The following SLC7A6OS variants were observed in gnomAD, a reference collection of about 807,000 sequenced individuals.
SLC7A6OS encodes the protein solute carrier family 7 member 6 opposite strand, also known as probable RNA polymerase II nuclear localization protein SLC7A6OS.
SLC7A6OS carries 22 observed loss-of-function variants against 34.3 expected under a neutral mutation model. That is an observed-to-expected ratio of 0.64 (90% confidence interval 0.46 to 0.92). The LOEUF (loss-of-function observed/expected upper bound fraction) is 0.92. SLC7A6OS is among the 40% of genes least tolerant of loss of function. The pLI is 0.00. For missense variants in SLC7A6OS, 434 were observed against 407.7 expected (o/e 1.06, Z -0.56); for synonymous variants, 199 against 165.0 (o/e 1.21, Z -1.58).
rs2043210071 is a variant in SLC7A6OS at position 68,298,263 on chromosome 16, A to G, written c.*3012T>C. 1 of 152,596 alleles carries G rather than the reference A, an allele frequency of 6.6e-6. No homozygotes were observed. Among genetic ancestry groups the G allele is most frequent in the East Asian group, 1.9e-4 (1 of 5,194 alleles). The allele number at this position is 152,596 out of a possible 1,614,324, so 9.5% of individuals were successfully genotyped here. A position where few individuals can be genotyped will look rare whatever the true frequency, so the allele number is the denominator to read the frequency against. ...TCTCTGGGTTTCTGTTACGAACTCT[A>G]AGAGGGCTGAAACTTCTGATATTCA... On this transcript the variant is annotated 3_prime_UTR_variant, in exon 5 of 5. Coordinates refer to ENST00000263997, the MANE Select transcript of SLC7A6OS (RefSeq NM_032178.3).
chr16:68,310,358 C>T lies in SLC7A6OS; in HGVS notation c.448G>A (p.Ala150Thr), dbSNP rs2043450416. The change falls in exon 2 of 5, where the codon GCC (alanine) becomes ACC (threonine). Residue 150 changes from alanine (A) to threonine (T), a missense_variant. By Grantham distance (58) the Ala-to-Thr change is moderately conservative (BLOSUM62 0). Transcript: ENST00000263997. ...DLVHEEGEPE[A>T]ASAGSCKTSD... ...ACTTTGCAGGAGCCTGCAGAGGCGG[C>T]TTCAGGTTCTCCCTCCTCGTGGACA... The T allele has an allele frequency of 1.2e-6, 2 of 1,607,694 alleles. No individual in the cohort carries two copies. The highest frequency in any genetic ancestry group is 1.3e-5 in the African/African-American group (1 of 74,942).
chr16:68,307,128 A>G (rs1721743367), intron 2 of SLC7A6OS, among the ~76,000 whole-genome samples: 1 of 152,184 alleles, frequency 6.6e-6, no homozygotes, highest in South Asian at 2.1e-4. Context: ...AACCTCTTGG[A>G]TATAATTTTT....
At chr16:68,303,103 A>G (rs2043297943) in intron 3 of SLC7A6OS, among the ~76,000 whole-genome samples, 1 of 151,944 alleles carries the variant, frequency 6.6e-6, no homozygotes, top group South Asian at 2.1e-4. Context: ...GTCTCTACTA[A>G]AAATACAAAA....
rs1324607605 is a variant in SLC7A6OS at position 68,310,725 on chromosome 16, C to T, written c.192+10G>A. On this transcript the variant is annotated intron_variant, in intron 1 of 4. Transcript: ENST00000263997. Reference sequence around the variant, plus strand: ...GATGCCCTCCACACCAGCTGCACCACGCCCAATACCTGGGAGCACACAGTG... The same window carrying T: ...GATGCCCTCCACACCAGCTGCACCATGCCCAATACCTGGGAGCACACAGTG... The T allele has an allele frequency of 6.3e-7, 1 of 1,598,362 alleles. No homozygotes were observed. The highest frequency in any genetic ancestry group is 1.7e-5 in the Admixed American group (1 of 59,342).
At position 68,310,460 on chromosome 16, in the gene SLC7A6OS, A is replaced by C. The variant is rs8063446; in HGVS notation, c.346T>G (p.Ser116Ala). Residue 116 changes from serine (S) to alanine (A), a missense_variant, in exon 2 of 5, where the codon TCG becomes GCG. Physicochemically the swap from Ser to Ala is moderately conservative, Grantham distance 99. Coordinates refer to ENST00000263997, the MANE Select transcript of SLC7A6OS (RefSeq NM_032178.3). ...GTGTACTCGGACTCCTGGCCGCTCG[A>C]GGTGGTCCCCAAGGATCGGCGGCTG... ...LSSRRSLGTTSSGQESEYTPG... is the reference protein window; with the variant it reads ...LSSRRSLGTTASGQESEYTPG... The C allele has an allele frequency of 0.11, 180,548 of 1,600,666 alleles. 10,812 individuals are homozygous for C. Among genetic ancestry groups the C allele is most frequent in the African/African-American group, 0.14 (10,359 of 74,806 alleles).
At chr16:68,308,004 C>A (rs976445023) in intron 2 of SLC7A6OS, among the ~76,000 whole-genome samples, 8 of 152,118 alleles carry the variant, frequency 5.3e-5, no homozygotes, top group African/African-American at 1.9e-4. Flanking sequence ...CGCGTTCAGG[C>A]GATTCTCCTG....
chr16:68,308,484 GGGT>G, intron 2 of SLC7A6OS, among the ~76,000 whole-genome samples: 1 of 151,644 alleles, frequency 6.6e-6, no homozygotes, highest in South Asian at 2.1e-4. Flanking sequence ...AAAATTAGCC[GGGT>G]GTGGTGGCTC....
chr16:68,301,158 T>C lies in SLC7A6OS; in HGVS notation c.*117A>G, dbSNP rs535983037. The C allele has an allele frequency of 6.8e-5, 100 of 1,480,824 alleles. 1 individual carries two copies. Among genetic ancestry groups the C allele is most frequent in the Non-Finnish European group, 8.5e-5 (94 of 1,111,412 alleles). 91.7% of individuals were successfully genotyped at this position (1,480,824 alleles called of 1,614,324 possible). ...ATGGTGCCGCCCGATATGCTTGATA[T>C]GCTTTTCCTTCCACATGTTAAGCTA... On this transcript the variant is annotated 3_prime_UTR_variant, in exon 5 of 5. Coordinates refer to ENST00000263997, the MANE Select transcript of SLC7A6OS (RefSeq NM_032178.3).
chr16:68,306,582 A>C (rs182929027), intron 2 of SLC7A6OS, among the ~76,000 whole-genome samples: 1 of 152,008 alleles, frequency 6.6e-6, no homozygotes, highest in Non-Finnish European at 1.5e-5. Flanking sequence ...CTAGCCTTAG[A>C]TGATCTTTCT....
intron 2 of SLC7A6OS, among the ~76,000 whole-genome samples, chr16:68,305,298 C>T (rs551677947): frequency 2.0e-4 from 30 of 152,278 alleles, no homozygotes; most frequent in African/African-American, 7.2e-4. Flanking sequence ...TTTGGCTTGC[C>T]ATATATTGAC....
intron 2 of SLC7A6OS, 135 bp downstream of exon 2, chr16:68,310,200 C>G (rs1215224095): frequency 9.7e-7 from 1 of 1,032,452 alleles, no homozygotes; most frequent in Non-Finnish European, 1.4e-6. Flanking sequence ...GATGAACAAC[C>G]AAATCTGTAA....
chr16:68,309,016 C>T (rs1162327704), intron 2 of SLC7A6OS, among the ~76,000 whole-genome samples: 2 of 148,462 alleles, frequency 1.3e-5, no homozygotes, highest in Non-Finnish European at 3.0e-5. Flanking sequence ...CATGCCAATG[C>T]ACTCTAGCCT....
chr16:68,308,562 G>A (rs888356325), intron 2 of SLC7A6OS, among the ~76,000 whole-genome samples: 6 of 151,886 alleles, frequency 4.0e-5, no homozygotes, highest in African/African-American at 7.3e-5. Context: ...AGGAGGCAGA[G>A]GCTGCGGTGA....
Position 68,301,300 on chromosome 16 carries a change from C to CT in SLC7A6OS, c.904dup (p.Ser302LysfsTer13). On this transcript the variant is annotated frameshift_variant, in exon 5 of 5. Coordinates refer to ENST00000263997, the MANE Select transcript of SLC7A6OS (RefSeq NM_032178.3). LOFTEE classifies it high-confidence loss of function. ...TCAGTCTGAATCCAGGTCGTGGGGG[C>CT]TGTCATAGCCGAACTCCTTCTGCAC... 6.2e-7 allele frequency: 1 copy of CT among 1,614,068 alleles called. No individual in the cohort carries two copies. The highest frequency in any genetic ancestry group is 8.5e-7 in the Non-Finnish European group (1 of 1,179,940).
At chr16:68,302,267 G>A in intron 4 of SLC7A6OS, 114 bp downstream of exon 4, 1 of 1,298,060 alleles carries the variant, frequency 7.7e-7, no homozygotes, top group Non-Finnish European at 1.1e-6. Flanking sequence ...TTGCGGCTGG[G>A]CTGCTGGCGC....
chr16:68,302,737 C>G (rs1161480060), intron 3 of SLC7A6OS, among the ~76,000 whole-genome samples: 1 of 152,166 alleles, frequency 6.6e-6, no homozygotes, highest in Non-Finnish European at 1.5e-5. Context: ...GAGAAGGGAA[C>G]ACAGGGAAAA....
At chr16:68,302,340 C>G in intron 4 of SLC7A6OS, 41 bp downstream of exon 4, 1 of 1,611,862 alleles carries the variant, frequency 6.2e-7, no homozygotes, top group African/African-American at 1.3e-5. Flanking sequence ...ACCTCAGTCT[C>G]AGATCCTACC....
intron 3 of SLC7A6OS, among the ~76,000 whole-genome samples, chr16:68,302,798 A>G (rs1040917759): frequency 2.0e-5 from 3 of 152,214 alleles, no homozygotes; most frequent in Non-Finnish European, 2.9e-5. Flanking sequence ...GTCAAAACCA[A>G]AACCCAAGCG....
intron 2 of SLC7A6OS, 70 bp downstream of exon 2, chr16:68,310,265 G>A: frequency 1.4e-6 from 2 of 1,466,512 alleles, no homozygotes; most frequent in Non-Finnish European, 1.8e-6. Flanking sequence ...AAACTGTGCT[G>A]CGACTGGGCC....
Sources: allele counts gnomAD v4.1 joint callset (sites outside exome capture counted in the v4.1 genomes callset), GRCh38; gene constraint gnomAD v4.1.1; transcripts MANE v1.5; gene names NCBI Gene and HGNC (gene_info 2026-07-23, HGNC 2026-07-21).